The following SLC9A9 variants were observed in gnomAD, a reference collection of about 807,000 sequenced individuals.
The protein encoded by SLC9A9 is sodium/hydrogen exchanger 9.
In SLC9A9, 62 loss-of-function variants were observed where a neutral mutation model predicts 77.8. That is an observed-to-expected ratio of 0.80 (90% CI 0.65 to 0.98). The LOEUF (loss-of-function observed/expected upper bound fraction) is 0.98. Among genes scored for constraint, SLC9A9 ranks in the 50% least tolerant of loss-of-function variants. The probability of loss-of-function intolerance (pLI) is 0.00; values close to 1 mark genes in which losing one functional copy is unlikely to be tolerated. For synonymous variants in SLC9A9, 320 were observed against 283.5 expected, an observed-to-expected ratio of 1.13 and a Z score of -1.29; for missense variants, 775 against 774.9, an observed-to-expected ratio of 1.00 and a Z score of 0.00.
chr3:143,604,844 A>G (rs1175378188), intron 6 of SLC9A9, among the ~76,000 whole-genome samples: 1 of 152,236 alleles, frequency 6.6e-6, no homozygotes, highest in African/African-American at 2.4e-5. Flanking sequence ...GCAAAACAAG[A>G]AAGAAGCAAT....
intron 7 of SLC9A9, 125 bp downstream of exon 7, chr3:143,578,460 C>T (rs934081823): frequency 3.6e-5 from 51 of 1,411,258 alleles, no homozygotes; most frequent in Middle Eastern, 3.7e-4. Flanking sequence ...CCAGTGGTGC[C>T]GTATGAAACT....
At chr3:143,560,570 T>A (rs932192287) in intron 8 of SLC9A9, among the ~76,000 whole-genome samples, 1 of 152,118 alleles carries the variant, frequency 6.6e-6, no homozygotes, top group African/African-American at 2.4e-5. Context: ...TTTCAGAGAG[T>A]AATTATTATC....
chr3:143,565,130 T>C (rs1397225298), intron 8 of SLC9A9, among the ~76,000 whole-genome samples: 1 of 152,194 alleles, frequency 6.6e-6, no homozygotes, highest in East Asian at 1.9e-4. Flanking sequence ...TACTTTTCCA[T>C]GTGGATATTC....
At chr3:143,500,822 A>C (rs1377352673) in intron 9 of SLC9A9, among the ~76,000 whole-genome samples, 1 of 143,036 alleles carries the variant, frequency 7.0e-6, no homozygotes, top group African/African-American at 3.0e-5. Flanking sequence ...TATGGTATTT[A>C]TAAAATATCA....
chr3:143,659,841 C>G (rs1205128055), intron 5 of SLC9A9, among the ~76,000 whole-genome samples: 1 of 152,214 alleles, frequency 6.6e-6, no homozygotes, highest in Admixed American at 6.5e-5. Flanking sequence ...ATAATTCCCA[C>G]ATGTCATGGA....
chr3:143,725,792 C>G (rs904234824), intron 4 of SLC9A9, among the ~76,000 whole-genome samples: 25 of 150,032 alleles, frequency 1.7e-4, no homozygotes, highest in African/African-American at 6.2e-4. Flanking sequence ...TGCTAAATGA[C>G]AAGTTAATGG....
At chr3:143,477,243 T>C (rs2035491469) in intron 11 of SLC9A9, among the ~76,000 whole-genome samples, 1 of 152,152 alleles carries the variant, frequency 6.6e-6, no homozygotes, top group South Asian at 2.1e-4. Context: ...TTCTTATCCT[T>C]GGCTTTCTTT....
At chr3:143,800,615 T>C (rs140567589) in intron 2 of SLC9A9, among the ~76,000 whole-genome samples, 5,646 of 152,266 alleles carry the variant, frequency 0.037, 287 homozygotes, top group African/African-American at 0.11. Context: ...CTGACACCCA[T>C]CAGTCCCAGC....
rs151114263 is a variant in SLC9A9 at position 143,375,921 on chromosome 3, T to C, written c.1524+6139A>G. On this transcript the variant is annotated intron_variant, in intron 13 of 15. Coordinates refer to ENST00000316549, the MANE Select transcript of SLC9A9 (RefSeq NM_173653.4). ...TCAAACAGGTAGGCATGTTCCTGCC[T>C]CAGGGCCCTTGTCTTGTCTAGTATG... 2.0e-5 allele frequency among the ~76,000 whole-genome samples: 3 copies of C among 152,340 alleles called. No homozygotes were observed. In the East Asian group the frequency reaches 5.8e-4, roughly 29 times the overall value.
intron 8 of SLC9A9, among the ~76,000 whole-genome samples, chr3:143,554,661 G>T (rs186105690): frequency 1.4e-4 from 22 of 152,212 alleles, no homozygotes; most frequent in Admixed American, 3.9e-4. Context: ...GATTCCTGTG[G>T]CTTAAAAGGT....
chr3:143,612,801 T>G (rs1477441218), intron 6 of SLC9A9, among the ~76,000 whole-genome samples: 3 of 152,226 alleles, frequency 2.0e-5, no homozygotes, highest in East Asian at 3.8e-4. Context: ...TAGAGGTGAA[T>G]ACTGTGATTT....
chr3:143,819,637 C>T (rs1255924257), intron 2 of SLC9A9, among the ~76,000 whole-genome samples: 1 of 152,050 alleles, frequency 6.6e-6, no homozygotes, highest in African/African-American at 2.4e-5. Flanking sequence ...AAAAAATTTC[C>T]ATGGAAAAGA....
At chr3:143,493,450 A>T (rs1289978743) in intron 11 of SLC9A9, among the ~76,000 whole-genome samples, 6 of 152,248 alleles carry the variant, frequency 3.9e-5, no homozygotes, top group African/African-American at 1.4e-4. Context: ...CATACCAATA[A>T]GATTCCCTCT....
At chr3:143,396,890 G>A (rs775428810) in intron 12 of SLC9A9, among the ~76,000 whole-genome samples, 9 of 152,104 alleles carry the variant, frequency 5.9e-5, no homozygotes, top group Non-Finnish European at 1.3e-4. Context: ...ATGTGTGGCT[G>A]GTGTTTACAT....
chr3:143,289,548 C>A (rs535898079), intron 14 of SLC9A9, among the ~76,000 whole-genome samples: 1 of 152,262 alleles, frequency 6.6e-6, no homozygotes, highest in Admixed American at 6.5e-5. Context: ...TCATCATCCA[C>A]TTTCATGCTC....
At chr3:143,431,200 C>G (rs999499521) in intron 12 of SLC9A9, among the ~76,000 whole-genome samples, 1 of 152,252 alleles carries the variant, frequency 6.6e-6, no homozygotes, top group East Asian at 1.9e-4. Context: ...CTCTAAGTCC[C>G]TTTCCTTCAA....
chr3:143,527,579 C>T (rs2036426743), intron 9 of SLC9A9, among the ~76,000 whole-genome samples: 2 of 152,198 alleles, frequency 1.3e-5, no homozygotes, highest in Non-Finnish European at 1.5e-5. Flanking sequence ...CTGCTTCAGT[C>T]CATCTTATAT....
At chr3:143,616,074 A>G (rs9811842) in intron 6 of SLC9A9, among the ~76,000 whole-genome samples, 93,582 of 151,652 alleles carry the variant, frequency 0.62, 29,237 homozygotes, top group African/African-American at 0.73. Context: ...TCGTAGAGAC[A>G]GGGTTTCACT....
intron 6 of SLC9A9, among the ~76,000 whole-genome samples, chr3:143,633,894 T>G (rs1042634706): frequency 6.6e-6 from 1 of 152,208 alleles, no homozygotes; most frequent in Admixed American, 6.5e-5. Context: ...ATGACGTGAA[T>G]TAGGCATTTA....
Sources: gnomAD v4.1 joint callset for allele counts (sites outside exome capture counted in the v4.1 genomes callset) on GRCh38, gnomAD v4.1.1 for gene constraint, MANE v1.5 for transcripts, NCBI Gene and HGNC (gene_info 2026-07-23, HGNC 2026-07-21) for gene names.